Variants in CNTN6 observed in about 807,000 individuals in gnomAD.
CNTN6 encodes the protein contactin-6.
In CNTN6, 137 loss-of-function variants were observed where a neutral mutation model predicts 122.8. The observed-to-expected ratio is 1.12, with a 90% CI of 0.97 to 1.29. The LOEUF (loss-of-function observed/expected upper bound fraction) is 1.29. CNTN6 is among the 50% of genes most tolerant of loss of function. The probability of loss-of-function intolerance (pLI) is 0.00; values close to 1 mark genes in which losing one functional copy is unlikely to be tolerated. For synonymous variants in CNTN6, 570 were observed against 426.0 expected (o/e 1.34, Z -4.16); for missense variants, 1,634 against 1,223.4 (o/e 1.34, Z -5.01).
At position 1,278,455 on chromosome 3, in the gene CNTN6, T is replaced by G; in HGVS notation, c.401T>G (p.Val134Gly). 6.2e-7 allele frequency: 1 copy of G among 1,612,814 alleles called. No homozygotes were observed. The highest frequency in any genetic ancestry group is 8.5e-7 in the Non-Finnish European group (1 of 1,179,070). The change falls in exon 5 of 23, where the codon GTC becomes GGC. Residue 134 changes from valine to glycine, a missense_variant. Coordinates refer to ENST00000446702, the MANE Select transcript of CNTN6 (RefSeq NM_001289080.2). ...ACTAAAACAAGAAGCACAGTATCTG[T>G]CCGAGAAGGTCAAGGTGTGGTGCTT... ...FETKTRSTVS[V>G]REGQGVVLLC... is the part of the protein sequence containing the mutation.
At chr3:1,387,298 G>C (rs1693164894) in intron 20 of CNTN6, among the ~76,000 whole-genome samples, 1 of 152,168 alleles carries the variant, frequency 6.6e-6, no homozygotes, top group South Asian at 2.1e-4. Context: ...TGGGCTGTGA[G>C]TTATTTTCAA....
rs1048727381 is a variant in CNTN6, at chr3:1,379,137, GC to G, written c.2166+2065del. 3.3e-5 allele frequency among the ~76,000 whole-genome samples: 5 copies of G among 152,142 alleles called. No homozygotes were observed. In the East Asian group the frequency reaches 9.7e-4, roughly 29 times the overall value. On this transcript the variant is annotated intron_variant, in intron 17 of 22. Transcript: ENST00000446702. ...TGCTTGTACACAGTCTATAATGAGG[GC>G]CCAAATGCTATGCATTCATTCTTAA... is the stretch of plus-strand genomic sequence containing the variant.
At chr3:1,192,151 A>C (rs551074993) in intron 2 of CNTN6, among the ~76,000 whole-genome samples, 1 of 152,236 alleles carries the variant, frequency 6.6e-6, no homozygotes, top group South Asian at 2.1e-4. Context: ...AAGCTCATCT[A>C]GTGGATAACA....
chr3:1,314,200 T>A (rs1188133178), intron 7 of CNTN6, among the ~76,000 whole-genome samples: 1 of 152,108 alleles, frequency 6.6e-6, no homozygotes, highest in African/African-American at 2.4e-5. Context: ...CATAGGACAA[T>A]CTTACATTCC....
intron 2 of CNTN6, among the ~76,000 whole-genome samples, chr3:1,185,630 C>A (rs9823959): frequency 0.33 from 50,423 of 151,980 alleles, 10,800 homozygotes; most frequent in African/African-American, 0.61. Context: ...AATGTACTTA[C>A]AACAATTAAT....
At chr3:1,160,367 T>TATATAC (rs1491110079) in intron 2 of CNTN6, among the ~76,000 whole-genome samples, 12 of 112,548 alleles carry the variant, frequency 1.1e-4, no homozygotes, top group African/African-American at 3.3e-4. Context: ...TATATATATA[T>TATATAC]ACACACTACC....
At chr3:1,228,405 G>A (rs535926980) in intron 4 of CNTN6, among the ~76,000 whole-genome samples, 2 of 152,102 alleles carry the variant, frequency 1.3e-5, no homozygotes, top group Admixed American at 1.3e-4. Flanking sequence ...CAAGAAAAGC[G>A]ATCATGCACC....
Position 1,321,513 on chromosome 3 carries a change from A to T in CNTN6, c.762-137A>T. 4.0e-6 allele frequency: 3 copies of T among 756,702 alleles called. No individual in the cohort carries two copies. In the South Asian group the frequency reaches 6.1e-5, roughly 15 times the overall value. The allele number at this position is 756,702 out of a possible 1,614,324, so 46.9% of individuals were successfully genotyped here. ...GATTGAGTGAATGGCGAATGATTGC[A>T]TGATCTGAAAACTAGTCATAATACA... On this transcript the variant is annotated intron_variant, in intron 7 of 22. Transcript: ENST00000446702.
rs772742274 is a variant in CNTN6, at chr3:1,374,026, T to G, written c.2048T>G (p.Ile683Ser). Residue 683 changes from isoleucine to serine, a missense_variant, in exon 16 of 23, where the codon ATT becomes AGT. Transcript: ENST00000446702. ...GTTGTTGCCGGCAACAGCATTGGGA[T>G]TGGAGAACCAAGTGAACCATCAGAA... ...FRVVAGNSIG[I>S]GEPSEPSELL... The G allele has an allele frequency of 6.2e-7, 1 of 1,613,080 alleles. No individual in the cohort carries two copies. The highest frequency in any genetic ancestry group is 8.5e-7 in the Non-Finnish European group (1 of 1,179,290).
At chr3:1,341,703 G>T (rs915254065) in intron 11 of CNTN6, among the ~76,000 whole-genome samples, 1 of 152,130 alleles carries the variant, frequency 6.6e-6, no homozygotes, top group Non-Finnish European at 1.5e-5. Flanking sequence ...ATTAAACAAG[G>T]TGACACATTA....
intron 19 of CNTN6, among the ~76,000 whole-genome samples, chr3:1,385,199 TATTA>T (rs1279708383): frequency 6.6e-6 from 1 of 152,134 alleles, no homozygotes; most frequent in Non-Finnish European, 1.5e-5. Flanking sequence ...TAAATTGAAT[TATTA>T]ATTAACCTGT....
At position 1,188,920 on chromosome 3, in the gene CNTN6, C is replaced by T. The variant is rs139038997; in HGVS notation, c.56-31767C>T. On this transcript the variant is annotated intron_variant, in intron 2 of 22. Transcript: ENST00000446702. ...CTGTACACATGTGTGATTGCTTATCCGTCTAGCCTAGGCTTGAGTTATTTT... is the reference window on the plus strand; with the variant it reads ...CTGTACACATGTGTGATTGCTTATCTGTCTAGCCTAGGCTTGAGTTATTTT... Among the ~76,000 whole-genome samples the T allele has an allele frequency of 1.7e-3, 259 of 152,074 alleles. 2 individuals are homozygous for T. The highest frequency in any genetic ancestry group is 0.014 in the Middle Eastern group (4 of 294).
intron 1 of CNTN6, among the ~76,000 whole-genome samples, chr3:1,104,076 A>G (rs969209374): frequency 6.6e-6 from 1 of 152,150 alleles, no homozygotes; most frequent in Non-Finnish European, 1.5e-5. Context: ...CTAGTGATGC[A>G]ACTATGAACA....
At chr3:1,296,644 T>C (rs889946410) in intron 6 of CNTN6, among the ~76,000 whole-genome samples, 4 of 152,116 alleles carry the variant, frequency 2.6e-5, no homozygotes, top group African/African-American at 9.7e-5. Context: ...CATAACAGAA[T>C]TGTGGAACAA....
At chr3:1,130,583 G>A (rs893812995) in intron 1 of CNTN6, among the ~76,000 whole-genome samples, 1 of 152,090 alleles carries the variant, frequency 6.6e-6, no homozygotes, top group Non-Finnish European at 1.5e-5. Flanking sequence ...GATGACACTG[G>A]CAAATGGCTT....
chr3:1,188,345 T>A (rs944241531), intron 2 of CNTN6, among the ~76,000 whole-genome samples: 7 of 152,204 alleles, frequency 4.6e-5, no homozygotes, highest in Non-Finnish European at 8.8e-5. Context: ...AAAAGGAGAT[T>A]TTTATATTCA....
intron 12 of CNTN6, among the ~76,000 whole-genome samples, chr3:1,353,894 G>A (rs1706093950): frequency 6.6e-6 from 1 of 151,434 alleles, no homozygotes; most frequent in Non-Finnish European, 1.5e-5. Flanking sequence ...ATCAGCAGTA[G>A]CAATGTAGTT....
intron 4 of CNTN6, among the ~76,000 whole-genome samples, chr3:1,276,026 T>C (rs4286412): frequency 0.52 from 78,817 of 151,806 alleles, 23,484 homozygotes; most frequent in Non-Finnish European, 0.7. Context: ...TACCAATAAT[T>C]TGTTCCAATT....
intron 2 of CNTN6, among the ~76,000 whole-genome samples, chr3:1,194,354 T>C (rs930974828): frequency 6.6e-6 from 1 of 152,174 alleles, no homozygotes; most frequent in Non-Finnish European, 1.5e-5. Flanking sequence ...ATCTGATTCT[T>C]AGCTCTGTGG....
Sources: gnomAD v4.1 joint callset for allele counts (sites outside exome capture counted in the v4.1 genomes callset) on GRCh38, gnomAD v4.1.1 for gene constraint, MANE v1.5 for transcripts, NCBI Gene and HGNC (gene_info 2026-07-23, HGNC 2026-07-21) for gene names.